Variants in CXXC5 observed in about 807,000 individuals in gnomAD.
The protein encoded by CXXC5 is CXXC-type zinc finger protein 5.
CXXC5 carries 2 observed loss-of-function variants against 17.6 expected under a neutral mutation model. That is an observed-to-expected ratio of 0.11 (90% CI 0.05 to 0.36). The LOEUF (loss-of-function observed/expected upper bound fraction) is 0.36. Among genes scored for constraint, CXXC5 ranks in the 10% least tolerant of loss-of-function variants. The pLI, the probability that CXXC5 is intolerant of heterozygous loss-of-function variation, is 1.00. For missense variants in CXXC5, 343 were observed against 458.3 expected, an observed-to-expected ratio of 0.75 and a Z score of 2.30; for synonymous variants, 171 against 193.0, an observed-to-expected ratio of 0.89 and a Z score of 0.94.
At chr5:139,655,758 C>T (rs537579423) in intron 1 of CXXC5, among the ~76,000 whole-genome samples, 1 of 152,052 alleles carries the variant, frequency 6.6e-6, no homozygotes, top group South Asian at 2.1e-4. Context: ...TGCCCCCTCC[C>T]CCACCAGCTG....
chr5:139,655,833 G>A (rs1755463346), intron 1 of CXXC5, among the ~76,000 whole-genome samples: 1 of 152,088 alleles, frequency 6.6e-6, no homozygotes, highest in Admixed American at 6.5e-5. Flanking sequence ...GGGCAGTGGC[G>A]GCTCTGGGCC....
intron 1 of CXXC5, among the ~76,000 whole-genome samples, chr5:139,654,055 T>C (rs932884277): frequency 6.6e-6 from 1 of 152,156 alleles, no homozygotes; most frequent in African/African-American, 2.4e-5. Flanking sequence ...ATGGGGGCTC[T>C]GGGTAGACCA....
At chr5:139,652,362 C>G (rs759477466) in intron 1 of CXXC5, among the ~76,000 whole-genome samples, 2 of 152,144 alleles carry the variant, frequency 1.3e-5, no homozygotes, top group South Asian at 4.2e-4. Flanking sequence ...CTTACTTCCC[C>G]CTCACCTCCC....
chr5:139,668,791 A>T lies in CXXC5; in HGVS notation c.-160-11573A>T, dbSNP rs1756280225. 6.6e-6 allele frequency among the ~76,000 whole-genome samples: 1 copy of T among 151,996 alleles called. No individual in the cohort carries two copies. Among genetic ancestry groups the T allele is most frequent in the Non-Finnish European group, 1.5e-5 (1 of 67,986 alleles). Reference sequence around the variant, plus strand: ...TAGGGGGAGTCGGGAGGGGATGTTGAGCCCTGAGGTGTTGCACTGAGCACG... The same window carrying T: ...TAGGGGGAGTCGGGAGGGGATGTTGTGCCCTGAGGTGTTGCACTGAGCACG... On this transcript the variant is annotated intron_variant, in intron 1 of 2. Coordinates refer to ENST00000302517, the MANE Select transcript of CXXC5 (RefSeq NM_016463.9). This position sits in a 1 kb window ranked among gnomAD's most constrained non-coding sequence, Gnocchi z 4.1.
In CXXC5 at chr5:139,668,961, C is replaced by A. The variant is rs1483234293; in HGVS notation, c.-160-11403C>A. ...GGAGCTGGGCTTTGTATACCCCTCCCAGTCTCCTCTCTTGGGGGGTTGCTG... is the reference window on the plus strand; with the variant it reads ...GGAGCTGGGCTTTGTATACCCCTCCAAGTCTCCTCTCTTGGGGGGTTGCTG... On this transcript the variant is annotated intron_variant, in intron 1 of 2. Transcript: ENST00000302517. This position sits in a 1 kb window ranked among gnomAD's most constrained non-coding sequence, Gnocchi z 4.1. Among the ~76,000 whole-genome samples, 1 of 152,128 alleles carries A rather than the reference C, an allele frequency of 6.6e-6. No individual in the cohort carries two copies. Among genetic ancestry groups the A allele is most frequent in the Non-Finnish European group, 1.5e-5 (1 of 68,012 alleles).
intron 1 of CXXC5, chr5:139,659,638 C>G (rs142687918): frequency 6.6e-6 from 1 of 152,180 alleles, no homozygotes; most frequent in Non-Finnish European, 1.5e-5. Flanking sequence ...TTTCATCGGT[C>G]GAGGCAAGTG....
At chr5:139,682,758 C>G (rs1757318193) in intron 2 of CXXC5, 105 bp from the exon 3 acceptor site, 1 of 1,193,086 alleles carries the variant, frequency 8.4e-7, no homozygotes, top group Non-Finnish European at 1.2e-6. Context: ...TTCCTCCATG[C>G]CTGTCCCTCC....
chr5:139,666,310 A>C (rs562462245), intron 1 of CXXC5, among the ~76,000 whole-genome samples: 4 of 151,516 alleles, frequency 2.6e-5, no homozygotes, highest in African/African-American at 7.3e-5. Context: ...CAGCCCCTTC[A>C]CCCCCTTCAC....
At chr5:139,677,081 G>A (rs983576472) in intron 1 of CXXC5, among the ~76,000 whole-genome samples, 12 of 152,032 alleles carry the variant, frequency 7.9e-5, no homozygotes, top group African/African-American at 1.2e-4. Context: ...TGGGCTGACC[G>A]CGGCTGGCGG....
At chr5:139,655,246 ATGGAGGTGG>A (rs1755423855) in intron 1 of CXXC5, among the ~76,000 whole-genome samples, 2 of 152,088 alleles carry the variant, frequency 1.3e-5, no homozygotes, top group Non-Finnish European at 2.9e-5. Flanking sequence ...ACTGGCTGTG[ATGGAGGTGG>A]TGGAGAGACA....
chr5:139,679,418 C>T (rs1196943698), intron 1 of CXXC5, among the ~76,000 whole-genome samples: 3 of 152,212 alleles, frequency 2.0e-5, no homozygotes, highest in African/African-American at 7.2e-5. Context: ...CTGTGCTGCT[C>T]GCCCTGTAGC....
intron 1 of CXXC5, among the ~76,000 whole-genome samples, chr5:139,678,138 G>A (rs1191531674): frequency 6.6e-6 from 1 of 152,218 alleles, no homozygotes; most frequent in Non-Finnish European, 1.5e-5. Flanking sequence ...TGTCGTCCAG[G>A]GCAGGGCAGA....
intron 1 of CXXC5, among the ~76,000 whole-genome samples, chr5:139,659,236 G>A (rs1581576921): frequency 2.6e-5 from 4 of 152,256 alleles, no homozygotes; most frequent in Admixed American, 2.6e-4. Context: ...GTGACTTGGT[G>A]ACTCCCGGGG....
At chr5:139,650,224 G>A (rs1425720715) in intron 1 of CXXC5, among the ~76,000 whole-genome samples, 1 of 152,198 alleles carries the variant, frequency 6.6e-6, no homozygotes, top group African/African-American at 2.4e-5. Flanking sequence ...CGCGACGGGG[G>A]TCTGAAGGTT....
In CXXC5 at chr5:139,668,329, C is replaced by T. The variant is rs2126785105; in HGVS notation, c.-160-12035C>T. 6.6e-6 allele frequency among the ~76,000 whole-genome samples: 1 copy of T among 152,190 alleles called. No homozygotes were observed. On this transcript the variant is annotated intron_variant, in intron 1 of 2. Coordinates refer to ENST00000302517, the MANE Select transcript of CXXC5 (RefSeq NM_016463.9). The surrounding 1 kb of genome is among the most constrained non-coding windows in gnomAD (Gnocchi z 4.1). Reference sequence around the variant, plus strand: ...GGCCTTCCCAGGCTGCCCGTCCCGCCGCGGCTCAGGGCGCCTCCCGGCTCC... The same window carrying T: ...GGCCTTCCCAGGCTGCCCGTCCCGCTGCGGCTCAGGGCGCCTCCCGGCTCC...
In CXXC5 at chr5:139,658,695, G is replaced by A. The variant is rs557247416; in HGVS notation, c.-161+9850G>A. Among the ~76,000 whole-genome samples, 135 of 152,330 alleles carry A rather than the reference G, an allele frequency of 8.9e-4. No individual in the cohort carries two copies. The highest frequency in any genetic ancestry group is 2.7e-3 in the African/African-American group (113 of 41,570). The stretch of plus-strand genomic sequence containing the variant: ...GCTTCCAGCAACAGCCGGCAGGGCC[G>A]GGCGGCTTCCCAGCTCCCCCTCTGA... On this transcript the variant is annotated intron_variant, in intron 1 of 2. Coordinates refer to ENST00000302517, the MANE Select transcript of CXXC5 (RefSeq NM_016463.9). The surrounding 1 kb of genome is among the most constrained non-coding windows in gnomAD (Gnocchi z 4.1).
rs909915231 is a variant in CXXC5 at position 139,680,995 on chromosome 5, G to A, written c.472G>A (p.Gly158Arg). The change falls in exon 2 of 3, where the codon GGA becomes AGA. Residue 158 changes from glycine to arginine, a missense_variant. Around this residue, in one of 4 missense-constraint regions of CXXC5, gnomAD observed 297 missense variants for 363.4 expected, o/e 0.82. Coordinates refer to ENST00000302517, the MANE Select transcript of CXXC5 (RefSeq NM_016463.9). The stretch of plus-strand genomic sequence containing the variant: ...GCGGGCCACGGAGCTGGCAGCCGAG[G>A]GACAGCTGACGCTGCAGCAGTTTGC... Reference protein sequence around the residue: ...AERATELAAEGQLTLQQFAQS... With the variant: ...AERATELAAERQLTLQQFAQS... 3.7e-6 allele frequency: 6 copies of A among 1,604,332 alleles called. No homozygotes were observed. The highest frequency in any genetic ancestry group is 3.3e-4 in the Middle Eastern group (2 of 6,062).
chr5:139,666,989 T>C (rs1756147407), intron 1 of CXXC5, among the ~76,000 whole-genome samples: 1 of 152,162 alleles, frequency 6.6e-6, no homozygotes, highest in African/African-American at 2.4e-5. Flanking sequence ...TTGTTTCTTG[T>C]GTTCCCTCAC....
At position 139,656,424 on chromosome 5, in the gene CXXC5, G is replaced by A. The variant is rs147657235; in HGVS notation, c.-161+7579G>A. The stretch of plus-strand genomic sequence containing the variant: ...CTCTCACACAGGCACACATATGTAC[G>A]TGTAACACACCTAAGTGCTTACATA... On this transcript the variant is annotated intron_variant, in intron 1 of 2. Transcript: ENST00000302517. Among the ~76,000 whole-genome samples, 4 of 152,260 alleles carry A rather than the reference G, an allele frequency of 2.6e-5. No individual in the cohort carries two copies. The East Asian group carries it at 5.8e-4, about 22-fold the overall frequency.
Sources: allele counts gnomAD v4.1 joint callset (sites outside exome capture counted in the v4.1 genomes callset), GRCh38; gene constraint gnomAD v4.1.1; regional missense constraint gnomAD v4.1.1; non-coding constraint Gnocchi (gnomAD v3.1); transcripts MANE v1.5; gene names NCBI Gene and HGNC (gene_info 2026-07-23, HGNC 2026-07-21).